RABL6: variants seen among roughly 807,000 people sequenced by gnomAD.
The protein encoded by RABL6 is rab-like protein 6.
Under a neutral mutation model 72.9 loss-of-function variants are expected in RABL6, and 28 were observed. That is an observed-to-expected ratio of 0.38 (90% CI 0.28 to 0.53). RABL6 has a LOEUF of 0.53. Among genes scored for constraint, RABL6 ranks in the 20% least tolerant of loss-of-function variants. The probability of loss-of-function intolerance (pLI) is 0.80; values close to 1 mark genes in which losing one functional copy is unlikely to be tolerated. For missense variants in RABL6, 1,029 were observed against 1,008.4 expected (o/e 1.02, Z -0.28); for synonymous variants, 477 against 421.2 (o/e 1.13, Z -1.62).
At chr9:136,818,419 A>C (rs576818226) in intron 1 of RABL6, among the ~76,000 whole-genome samples, 1 of 142,630 alleles carries the variant, frequency 7.0e-6, no homozygotes, top group Admixed American at 7.1e-5. Flanking sequence ...AGGTAAGCAA[A>C]GAAACTGGTA....
intron 5 of RABL6, among the ~76,000 whole-genome samples, chr9:136,831,379 G>A (rs910158567): frequency 4.6e-5 from 7 of 152,216 alleles, no homozygotes; most frequent in African/African-American, 1.4e-4. Flanking sequence ...AGGACAGTGC[G>A]GAATGAGGGT....
At chr9:136,832,546 G>A in intron 7 of RABL6, 176 bp downstream of exon 7, 1 of 709,104 alleles carries the variant, frequency 1.4e-6, no homozygotes, top group South Asian at 1.5e-5. Context: ...GGGTGGCAGA[G>A]GGTACAGGGT....
chr9:136,821,163 A>G (rs1301619627), intron 1 of RABL6, among the ~76,000 whole-genome samples: 1 of 152,244 alleles, frequency 6.6e-6, no homozygotes, highest in Non-Finnish European at 1.5e-5. Context: ...TAAGTTCCTT[A>G]CAAAGAGCAT....
chr9:136,824,782 T>C (rs1564364454), intron 2 of RABL6, among the ~76,000 whole-genome samples: 1 of 152,198 alleles, frequency 6.6e-6, no homozygotes, highest in Non-Finnish European at 1.5e-5. Context: ...GGGCATCTGC[T>C]GCTCTCTAGG....
intron 1 of RABL6, chr9:136,808,543 T>G: frequency 3.3e-6 from 1 of 303,022 alleles, no homozygotes. Flanking sequence ...CGCGGGTCGT[T>G]TCCCAGCCGC....
At position 136,841,102 on chromosome 9, in the gene RABL6, C is replaced by G; in HGVS notation, c.*580C>G. On this transcript the variant is annotated 3_prime_UTR_variant, in exon 15 of 15. Transcript: ENST00000311502. ...CCCACAGTGGCCTCAGCTGCGCCCC[C>G]GCTCAGGTGAGCCCGAAGGCAGGAG... The G allele has an allele frequency of 7.4e-7, 1 of 1,345,522 alleles. No homozygotes were observed. The highest frequency in any genetic ancestry group is 1.5e-5 in the African/African-American group (1 of 67,570). The allele number at this position is 1,345,522 out of a possible 1,614,324, so 83.3% of individuals were successfully genotyped here.
chr9:136,812,930 C>T (rs562318151), intron 1 of RABL6: 59 of 341,882 alleles, frequency 1.7e-4, no homozygotes, highest in Admixed American at 1.2e-3. Context: ...AAGCCACCTT[C>T]GCCCTTAGGT....
chr9:136,813,252 T>C (rs765976719), intron 1 of RABL6: 5 of 555,720 alleles, frequency 9.0e-6, no homozygotes, highest in Non-Finnish European at 1.7e-5. Context: ...AAAGCTGCTT[T>C]ATCATCTTCA....
chr9:136,836,905 G>A (rs1848593050), intron 8 of RABL6: 11 of 331,538 alleles, frequency 3.3e-5, no homozygotes, highest in South Asian at 1.9e-4. Flanking sequence ...ATGGAGTCTC[G>A]CTCTGTCGCC....
At chr9:136,818,053 C>G (rs1243618091) in intron 1 of RABL6, among the ~76,000 whole-genome samples, 1 of 118,828 alleles carries the variant, frequency 8.4e-6, no homozygotes, top group Non-Finnish European at 1.7e-5. Context: ...CAGAACAAGA[C>G]TCCATCTCAA....
intron 7 of RABL6, 53 bp downstream of exon 7, chr9:136,832,423 A>G: frequency 7.2e-7 from 1 of 1,397,752 alleles, no homozygotes. Flanking sequence ...ACCTCCTTCC[A>G]GGTGTCTCCT....
intron 1 of RABL6, among the ~76,000 whole-genome samples, chr9:136,818,731 T>C (rs1848177628): frequency 6.8e-6 from 1 of 147,344 alleles, no homozygotes; most frequent in African/African-American, 2.5e-5. Context: ...GGCAACAGAG[T>C]GAGACTTAAT....
In RABL6 at chr9:136,822,864, G is replaced by A. The variant is rs147186251; in HGVS notation, c.131-661G>A. On this transcript the variant is annotated intron_variant, in intron 1 of 14. Transcript: ENST00000311502. The stretch of plus-strand genomic sequence containing the variant: ...AGCACTTTGGGAGGCCAAGGCGGGC[G>A]GATCACGAGGTCAGGAGATCGAGAC... 9.6e-3 allele frequency among the ~76,000 whole-genome samples: 1,458 copies of A among 152,264 alleles called. 18 individuals carry two copies. The highest frequency in any genetic ancestry group is 0.033 in the African/African-American group (1,374 of 41,544).
chr9:136,835,947 C>A, intron 8 of RABL6, 102 bp downstream of exon 8: 1 of 1,172,324 alleles, frequency 8.5e-7, no homozygotes, highest in Non-Finnish European at 1.2e-6. Flanking sequence ...GGGGAGTGTC[C>A]CCTGTTTGGG....
At position 136,840,930 on chromosome 9, in the gene RABL6, C is replaced by G. The variant is rs1848685673; in HGVS notation, c.*408C>G. ...TGCCCTCCGCGCTCATCTGGGGCCG[C>G]AGCATGCCTATGGTTCCGCTTCCGG... On this transcript the variant is annotated 3_prime_UTR_variant, in exon 15 of 15. Coordinates refer to ENST00000311502, the MANE Select transcript of RABL6 (RefSeq NM_024718.5). The G allele has an allele frequency of 4.7e-6, 7 of 1,474,238 alleles. No homozygotes were observed. The highest frequency in any genetic ancestry group is 5.4e-6 in the Non-Finnish European group (6 of 1,108,270). 91.3% of individuals were successfully genotyped at this position (1,474,238 alleles called of 1,614,324 possible).
Position 136,821,831 on chromosome 9 carries a change from G to C in RABL6, c.131-1694G>C, listed in dbSNP as rs998842337. 3.3e-6 allele frequency: 4 copies of C among 1,194,316 alleles called. No homozygotes were observed. The South Asian group carries it at 6.1e-5, about 18-fold the overall frequency. The allele number at this position is 1,194,316 out of a possible 1,614,324, so 74.0% of individuals were successfully genotyped here. A position where few individuals can be genotyped will look rare whatever the true frequency, so the allele number is the denominator to read the frequency against. ...GAGGGGAACGAGGGCCCAGCCTTCC[G>C]CGGGGTGGGCTCGGCCGGGAGAAGC... On this transcript the variant is annotated intron_variant, in intron 1 of 14. Transcript: ENST00000311502.
intron 12 of RABL6, 92 bp from the exon 13 acceptor site, chr9:136,839,602 A>C (rs577839225): frequency 2.5e-5 from 38 of 1,547,528 alleles, no homozygotes; most frequent in Non-Finnish European, 3.2e-5. Context: ...TCATGTCCCC[A>C]CACTTGGGCC....
At chr9:136,836,796 T>G (rs1370661017) in intron 8 of RABL6, 1 of 237,640 alleles carries the variant, frequency 4.2e-6, no homozygotes, top group Non-Finnish European at 8.4e-6. Context: ...CAGCTGTGCC[T>G]CAGAACAGAT....
intron 10 of RABL6, 59 bp downstream of exon 10, chr9:136,838,074 C>A: frequency 6.5e-7 from 1 of 1,539,334 alleles, no homozygotes; most frequent in Admixed American, 2.0e-5. Flanking sequence ...GGTGCCCGAG[C>A]AGCAGGTGGG....
Sources: allele counts gnomAD v4.1 joint callset (sites outside exome capture counted in the v4.1 genomes callset), GRCh38; gene constraint gnomAD v4.1.1; transcripts MANE v1.5; gene names NCBI Gene and HGNC (gene_info 2026-07-23, HGNC 2026-07-21).